SMOC2: variants seen among roughly 807,000 people sequenced by gnomAD.
SMOC2 encodes the protein SPARC related modular calcium binding 2.
A neutral mutation model predicts 61.4 loss-of-function variants in SMOC2; 39 were observed. That is an observed-to-expected ratio of 0.64 (90% confidence interval 0.49 to 0.83). The LOEUF is 0.83. Among genes scored for constraint, SMOC2 ranks in the 40% least tolerant of loss-of-function variants. The pLI is 0.00. For missense variants in SMOC2, 556 were observed against 592.9 expected, an observed-to-expected ratio of 0.94 and a Z score of 0.65; for synonymous variants, 247 against 239.9, an observed-to-expected ratio of 1.03 and a Z score of -0.27.
chr6:168,608,435 T>TG (rs953466905), intron 9 of SMOC2, among the ~76,000 whole-genome samples, 196 bp downstream of exon 9: 1 of 152,182 alleles, frequency 6.6e-6, no homozygotes, highest in Non-Finnish European at 1.5e-5. Context: ...GGGGAGCACC[T>TG]GGGGGGCTTC....
Position 168,475,404 on chromosome 6 carries a change from C to T in SMOC2, c.84+33950C>T, listed in dbSNP as rs569649210. 1.4e-4 allele frequency among the ~76,000 whole-genome samples: 22 copies of T among 152,208 alleles called. No homozygotes were observed. The highest frequency in any genetic ancestry group is 7.8e-4 in the Admixed American group (12 of 15,302). On this transcript the variant is annotated intron_variant, in intron 1 of 12. Coordinates refer to ENST00000356284, the MANE Select transcript of SMOC2 (RefSeq NM_001166412.2). The surrounding 1 kb of genome is among the most constrained non-coding windows in gnomAD (Gnocchi z 4.6). ...AATGTCCCAGGCACAGGTGGAAACA[C>T]GTGGTGCGTACAACCTTGCTCAATC...
chr6:168,525,679 TA>T (rs1277602750), intron 2 of SMOC2, among the ~76,000 whole-genome samples: 4 of 152,228 alleles, frequency 2.6e-5, no homozygotes, highest in African/African-American at 9.6e-5. Context: ...TGAGGCTTTC[TA>T]AGAAGACCTG....
At chr6:168,558,955 ATG>A (rs575268887) in intron 7 of SMOC2, among the ~76,000 whole-genome samples, 377 of 152,170 alleles carry the variant, frequency 2.5e-3, no homozygotes, top group Non-Finnish European at 3.1e-3. Flanking sequence ...ATGCGTGTGC[ATG>A]TGTGTGTACG....
At chr6:168,662,198 C>T (rs1046415201) in intron 11 of SMOC2, among the ~76,000 whole-genome samples, 1 of 152,188 alleles carries the variant, frequency 6.6e-6, no homozygotes, top group Non-Finnish European at 1.5e-5. Flanking sequence ...GACAGAATAA[C>T]AGTAAACACA....
intron 9 of SMOC2, among the ~76,000 whole-genome samples, chr6:168,618,002 G>T (rs551769769): frequency 6.6e-6 from 1 of 152,306 alleles, no homozygotes; most frequent in South Asian, 2.1e-4. Flanking sequence ...GTCTGCCAGG[G>T]ATAAAATAAT....
In SMOC2 at chr6:168,615,814, A is replaced by G. The variant is rs558622599; in HGVS notation, c.907+7575A>G. On this transcript the variant is annotated intron_variant, in intron 9 of 12. Coordinates refer to ENST00000356284, the MANE Select transcript of SMOC2 (RefSeq NM_001166412.2). ...GGGGCCCCAAGCAATTGCTGGCATA[A>G]TTATCGTCTTTGACTCATGTAGAAA... Among the ~76,000 whole-genome samples the G allele has an allele frequency of 6.8e-4, 103 of 152,348 alleles. 1 individual carries two copies. Among genetic ancestry groups the G allele is most frequent in the African/African-American group, 2.4e-3 (99 of 41,582 alleles).
intron 7 of SMOC2, among the ~76,000 whole-genome samples, chr6:168,587,400 G>A (rs549728958): frequency 2.5e-4 from 38 of 152,298 alleles, no homozygotes; most frequent in South Asian, 1.5e-3. Context: ...CTAACGACGC[G>A]TGCCCAAGGT....
At chr6:168,525,616 T>C (rs915427763) in intron 2 of SMOC2, among the ~76,000 whole-genome samples, 5 of 152,246 alleles carry the variant, frequency 3.3e-5, no homozygotes, top group Non-Finnish European at 7.3e-5. Flanking sequence ...TTGCGCCTTC[T>C]GTGAAATCTG....
intron 9 of SMOC2, among the ~76,000 whole-genome samples, chr6:168,646,837 G>A (rs1380515372): frequency 1.3e-5 from 2 of 152,220 alleles, no homozygotes; most frequent in African/African-American, 4.8e-5. Context: ...CCTCACAGAT[G>A]TCAAGGACTT....
At chr6:168,492,402 A>G (rs1562554229) in intron 1 of SMOC2, among the ~76,000 whole-genome samples, 1 of 152,078 alleles carries the variant, frequency 6.6e-6, no homozygotes, top group Non-Finnish European at 1.5e-5. Context: ...AAGCTCTACC[A>G]CCTCTCAGCC....
intron 1 of SMOC2, among the ~76,000 whole-genome samples, chr6:168,480,958 C>T (rs1782194539): frequency 6.6e-6 from 1 of 152,128 alleles, no homozygotes; most frequent in Non-Finnish European, 1.5e-5. Context: ...ATCAAACTAT[C>T]AACTGAGAAC....
In SMOC2 at chr6:168,471,159, C is replaced by T. The variant is rs73270978; in HGVS notation, c.84+29705C>T. ...TTCTGTTTTAAGGAGATATAACTGT[C>T]GCACAACCGATATCCAGAACTTTTT... On this transcript the variant is annotated intron_variant, in intron 1 of 12. Transcript: ENST00000356284. Among the ~76,000 whole-genome samples the T allele has an allele frequency of 4.1e-3, 631 of 152,298 alleles. 7 individuals carry two copies. The highest frequency in any genetic ancestry group is 0.014 in the African/African-American group (591 of 41,576).
At chr6:168,620,020 C>T (rs1199655116) in intron 9 of SMOC2, among the ~76,000 whole-genome samples, 1 of 152,214 alleles carries the variant, frequency 6.6e-6, no homozygotes, top group Non-Finnish European at 1.5e-5. Flanking sequence ...CAGTCACTGC[C>T]TTCAGGTCTT....
At chr6:168,517,324 T>G (rs1783165195) in intron 2 of SMOC2, among the ~76,000 whole-genome samples, 1 of 151,928 alleles carries the variant, frequency 6.6e-6, no homozygotes, top group Admixed American at 6.6e-5. Flanking sequence ...CCAGCAGGGG[T>G]TTGGGGTGGC....
chr6:168,533,200 T>C (rs1341872518), intron 4 of SMOC2, among the ~76,000 whole-genome samples: 1 of 152,186 alleles, frequency 6.6e-6, no homozygotes, highest in Non-Finnish European at 1.5e-5. Flanking sequence ...TATGCGTCCA[T>C]CTTCACTGTG....
intron 7 of SMOC2, among the ~76,000 whole-genome samples, chr6:168,558,859 G>A (rs1001453572): frequency 1.2e-4 from 13 of 107,260 alleles, no homozygotes; most frequent in African/African-American, 6.4e-4. Context: ...GCGCGTGTGC[G>A]CATGTGTGTG....
At chr6:168,451,026 T>C (rs1289130693) in intron 1 of SMOC2, among the ~76,000 whole-genome samples, 3 of 152,208 alleles carry the variant, frequency 2.0e-5, no homozygotes, top group East Asian at 3.8e-4. Flanking sequence ...GGATCCTGTT[T>C]CTTCCCGTGA....
At chr6:168,620,915 G>T (rs1786226388) in intron 9 of SMOC2, among the ~76,000 whole-genome samples, 1 of 152,128 alleles carries the variant, frequency 6.6e-6, no homozygotes, top group Admixed American at 6.5e-5. Flanking sequence ...GACTAAGGCT[G>T]CAGTGCCCAG....
intron 1 of SMOC2, among the ~76,000 whole-genome samples, chr6:168,468,969 C>T (rs1341243274): frequency 6.6e-6 from 1 of 152,234 alleles, no homozygotes; most frequent in Admixed American, 6.5e-5. Flanking sequence ...AGAAGCAGCA[C>T]GCATACAGAC....
Sources: gnomAD v4.1 joint callset for allele counts (sites outside exome capture counted in the v4.1 genomes callset) on GRCh38, gnomAD v4.1.1 for gene constraint, Gnocchi (gnomAD v3.1) non-coding constraint, MANE v1.5 for transcripts, NCBI Gene and HGNC (gene_info 2026-07-23, HGNC 2026-07-21) for gene names.